CTNNA2: variants seen among roughly 807,000 people sequenced by gnomAD.
The protein encoded by CTNNA2 is catenin alpha 2, also known as catenin alpha-2.
In CTNNA2, 42 loss-of-function variants were observed where a neutral mutation model predicts 101.0. The observed-to-expected ratio is 0.42, with a 90% CI of 0.32 to 0.54. CTNNA2 has a LOEUF of 0.54. Among genes scored for constraint, CTNNA2 ranks in the 20% least tolerant of loss-of-function variants. The probability of loss-of-function intolerance (pLI) is 0.14; values close to 1 mark genes in which losing one functional copy is unlikely to be tolerated. For synonymous variants in CTNNA2, 450 were observed against 456.4 expected, an observed-to-expected ratio of 0.99 and a Z score of 0.18; for missense variants, 871 against 1,223.1, an observed-to-expected ratio of 0.71 and a Z score of 4.29.
intron 4 of CTNNA2, among the ~76,000 whole-genome samples, chr2:79,488,332 A>AC (rs1346367393): frequency 1.0e-4 from 7 of 67,796 alleles, no homozygotes; most frequent in Non-Finnish European, 2.0e-4. Context: ...AAAAAAAAAA[A>AC]AAAAAAAAAA....
At chr2:79,806,548 C>T (rs747152946) in intron 3 of CTNNA2, among the ~76,000 whole-genome samples, 10 of 152,002 alleles carry the variant, frequency 6.6e-5, no homozygotes, top group Non-Finnish European at 1.5e-4. Flanking sequence ...CCTCATTGTC[C>T]GCAGGTGACT....
rs369445876 is a variant in CTNNA2, at chr2:79,234,575, TCTC to T, written c.-406+36503_-406+36505del. Among the ~76,000 whole-genome samples, 20 of 152,256 alleles carry T rather than the reference TCTC, an allele frequency of 1.3e-4. No homozygotes were observed. The East Asian group carries it at 3.7e-3, about 28-fold the overall frequency. ...CTCTATATTTTTTGAATTTGTATGT[TCTC>T]CTCTCTAGCAACTTCAGGGAAATTT... is the stretch of plus-strand genomic sequence containing the variant. On this transcript the variant is annotated intron_variant, in intron 2 of 21. Coordinates refer to the CTNNA2 transcript ENST00000466387.
chr2:80,144,227 A>C (rs376247723), intron 7 of CTNNA2, among the ~76,000 whole-genome samples: 2 of 152,140 alleles, frequency 1.3e-5, no homozygotes, highest in African/African-American at 4.8e-5. Flanking sequence ...TAGAAAATGA[A>C]AATTTTACGT....
intron 7 of CTNNA2, among the ~76,000 whole-genome samples, chr2:80,063,078 G>T (rs564593633): frequency 6.6e-6 from 1 of 152,156 alleles, no homozygotes; most frequent in East Asian, 1.9e-4. Context: ...CAAGTAAGCT[G>T]CATTCTCTCT....
chr2:79,430,794 T>A (rs966986873), intron 4 of CTNNA2, among the ~76,000 whole-genome samples: 3 of 142,930 alleles, frequency 2.1e-5, no homozygotes, highest in Non-Finnish European at 3.1e-5. Context: ...TCCCCACATA[T>A]CTTCCCAAGG....
At chr2:79,714,282 A>G (rs1685930151) in intron 2 of CTNNA2, among the ~76,000 whole-genome samples, 1 of 152,082 alleles carries the variant, frequency 6.6e-6, no homozygotes, top group African/African-American at 2.4e-5. Flanking sequence ...AATTATTGAG[A>G]TGATATATTT....
intron 7 of CTNNA2, among the ~76,000 whole-genome samples, chr2:80,374,059 T>TAA (rs57627340): frequency 0.025 from 3,725 of 146,908 alleles, 138 homozygotes; most frequent in African/African-American, 0.087. Context: ...TGGGAAACTT[T>TAA]AAAAAAAAAA....
At chr2:79,574,578 G>A (rs1413371886) in intron 1 of CTNNA2, among the ~76,000 whole-genome samples, 4 of 152,108 alleles carry the variant, frequency 2.6e-5, no homozygotes, top group African/African-American at 7.2e-5. Context: ...GTAGTATTAC[G>A]TGGTACGTAT....
chr2:80,557,636 T>A (rs1693160053), intron 12 of CTNNA2, among the ~76,000 whole-genome samples: 1 of 152,180 alleles, frequency 6.6e-6, no homozygotes, highest in African/African-American at 2.4e-5. Flanking sequence ...ATATTGCCAA[T>A]TTTCATGTGA....
In CTNNA2 at chr2:79,521,814, G is replaced by A. The variant is rs147923460; in HGVS notation, c.-6+8607G>A. Among the ~76,000 whole-genome samples the A allele has an allele frequency of 4.6e-5, 7 of 152,264 alleles. No homozygotes were observed. In the East Asian group the frequency reaches 5.8e-4, roughly 13 times the overall value. ...GCAGAAACAGGTGACAGAGGGCAAC[G>A]TGGCACAAGAAGGAGAAAATTTAGA... On this transcript the variant is annotated intron_variant, in intron 1 of 18. Transcript: ENST00000402739.
intron 1 of CTNNA2, among the ~76,000 whole-genome samples, chr2:79,587,625 C>T (rs770919404): frequency 5.3e-5 from 8 of 152,152 alleles, no homozygotes; most frequent in Non-Finnish European, 1.0e-4. Context: ...CATCATTTTC[C>T]ATGCTCTGGT....
chr2:80,162,923 GC>G (rs932555816), intron 7 of CTNNA2: 1 of 1,552,682 alleles, frequency 6.4e-7, no homozygotes, highest in African/African-American at 1.4e-5. Flanking sequence ...TGGAGGTAGG[GC>G]TTGAATTTCC....
At chr2:79,466,646 C>T (rs916143325) in intron 4 of CTNNA2, among the ~76,000 whole-genome samples, 5 of 152,186 alleles carry the variant, frequency 3.3e-5, no homozygotes, top group Admixed American at 2.0e-4. Context: ...CAGACTGACA[C>T]CCCACACAGC....
intron 14 of CTNNA2, among the ~76,000 whole-genome samples, chr2:80,584,283 A>T (rs1352929456): frequency 6.6e-6 from 1 of 152,050 alleles, no homozygotes; most frequent in East Asian, 1.9e-4. Flanking sequence ...TGGTAAATTA[A>T]TCTATAAGAA....
rs57067397 is a variant in CTNNA2, at chr2:79,513,504, C to G, written c.-6+297C>G. 1.1e-3 allele frequency among the ~76,000 whole-genome samples: 174 copies of G among 152,278 alleles called. 1 individual carries two copies. Among genetic ancestry groups the G allele is most frequent in the African/African-American group, 3.5e-3 (147 of 41,550 alleles). On this transcript the variant is annotated intron_variant, in intron 1 of 18. Coordinates refer to ENST00000402739, the MANE Select transcript of CTNNA2 (RefSeq NM_001282597.3). ...CTCTTGTCTCCATCTCTTCTTCCCC[C>G]CTTTCTTACCTCTTCCCCGGTGGGA...
chr2:79,351,098 C>A (rs1042790354), intron 3 of CTNNA2, among the ~76,000 whole-genome samples: 2 of 152,070 alleles, frequency 1.3e-5, no homozygotes, highest in African/African-American at 2.4e-5. Flanking sequence ...TTTTACTCTG[C>A]TATTTCTTTT....
chr2:79,935,365 T>TA (rs397755838), intron 7 of CTNNA2, among the ~76,000 whole-genome samples: 3 of 151,684 alleles, frequency 2.0e-5, no homozygotes, highest in Non-Finnish European at 2.9e-5. Context: ...TTTTTTTTTT[T>TA]AACTTTTTAT....
At chr2:79,628,211 G>T (rs1029437064) in intron 1 of CTNNA2, among the ~76,000 whole-genome samples, 1 of 152,092 alleles carries the variant, frequency 6.6e-6, no homozygotes, top group Admixed American at 6.6e-5. Flanking sequence ...CAGCACTTTG[G>T]GAGACCGAGG....
At chr2:79,366,548 T>G (rs1677755681) in intron 3 of CTNNA2, among the ~76,000 whole-genome samples, 1 of 152,216 alleles carries the variant, frequency 6.6e-6, no homozygotes, top group South Asian at 2.1e-4. Context: ...TTGTTCATTT[T>G]GGCCAAAGGC....
Sources: gnomAD v4.1 joint callset for allele counts (sites outside exome capture counted in the v4.1 genomes callset) on GRCh38, gnomAD v4.1.1 for gene constraint, MANE v1.5 for transcripts, NCBI Gene and HGNC (gene_info 2026-07-23, HGNC 2026-07-21) for gene names.